The following SPMIP2 variants were observed in gnomAD, a reference collection of about 807,000 sequenced individuals.
SPMIP2 encodes protein SPMIP2.
At chr4:159,061,662 T>A in the SPMIP2 span, among the ~76,000 whole-genome samples, 1 of 151,852 alleles carries the variant, frequency 6.6e-6, no homozygotes, top group South Asian at 2.1e-4. Context: ...ACAAAAAAAA[T>A]TAGCTGGGGG....
At chr4:158,966,121 A>G in the SPMIP2 span, among the ~76,000 whole-genome samples, 6 of 152,316 alleles carry the variant, frequency 3.9e-5, no homozygotes, top group East Asian at 9.6e-4. Flanking sequence ...TTCTTGCCCA[A>G]ACACAGAGCT....
the SPMIP2 span, among the ~76,000 whole-genome samples, chr4:158,923,441 T>G: frequency 6.6e-6 from 1 of 152,204 alleles, no homozygotes; most frequent in Non-Finnish European, 1.5e-5. Flanking sequence ...AGTGTGCACA[T>G]TTTGTGCTTG....
At chr4:158,924,833 AT>A in the SPMIP2 span, among the ~76,000 whole-genome samples, 13 of 152,264 alleles carry the variant, frequency 8.5e-5, no homozygotes, top group African/African-American at 3.1e-4. Context: ...TTTATCCTTC[AT>A]TCTGTTGACA....
chr4:159,070,565 G>T, the SPMIP2 span, among the ~76,000 whole-genome samples: 2 of 152,290 alleles, frequency 1.3e-5, no homozygotes, highest in South Asian at 4.1e-4. Context: ...TACACATATG[G>T]TTTGGAAGAG....
the SPMIP2 span, among the ~76,000 whole-genome samples, chr4:159,053,177 C>T: frequency 6.6e-6 from 1 of 150,572 alleles, no homozygotes; most frequent in African/African-American, 2.4e-5. Flanking sequence ...GGGATGGTCT[C>T]GATCTCCTGA....
At chr4:159,000,792 G>A in the SPMIP2 span, among the ~76,000 whole-genome samples, 40 of 150,676 alleles carry the variant, frequency 2.7e-4, no homozygotes, top group African/African-American at 8.8e-4. Flanking sequence ...TGGCTTGTCT[G>A]GCTCCCTACA....
the SPMIP2 span, among the ~76,000 whole-genome samples, chr4:158,993,581 T>C: frequency 6.6e-6 from 1 of 152,212 alleles, no homozygotes; most frequent in Non-Finnish European, 1.5e-5. Flanking sequence ...TTTATTCATT[T>C]ATTCAACACG....
chr4:159,009,970 G>A, the SPMIP2 span, among the ~76,000 whole-genome samples: 2 of 152,080 alleles, frequency 1.3e-5, no homozygotes, highest in South Asian at 2.1e-4. Flanking sequence ...CTCCAGCCTG[G>A]ATGACAGAGG....
At chr4:158,976,599 C>T in the SPMIP2 span, among the ~76,000 whole-genome samples, 1 of 149,944 alleles carries the variant, frequency 6.7e-6, no homozygotes, top group Non-Finnish European at 1.5e-5. Flanking sequence ...TATTGATTTG[C>T]ATATGTTGAA....
At chr4:158,991,187 C>G in the SPMIP2 span, among the ~76,000 whole-genome samples, 1 of 151,532 alleles carries the variant, frequency 6.6e-6, no homozygotes, top group Non-Finnish European at 1.5e-5. Flanking sequence ...GGAAGAAGTT[C>G]AAAGCCCCAG....
the SPMIP2 span, among the ~76,000 whole-genome samples, chr4:159,041,266 G>T: frequency 6.6e-6 from 1 of 152,048 alleles, no homozygotes; most frequent in Non-Finnish European, 1.5e-5. Context: ...ACTTAATTGG[G>T]GATGATGCAA....
the SPMIP2 span, among the ~76,000 whole-genome samples, chr4:159,045,335 T>C: frequency 6.6e-6 from 1 of 152,252 alleles, no homozygotes; most frequent in Non-Finnish European, 1.5e-5. Context: ...ATAAAATGTA[T>C]AAAAGCTAAG....
the SPMIP2 span, among the ~76,000 whole-genome samples, chr4:159,014,769 C>G: frequency 4.6e-5 from 7 of 152,022 alleles, no homozygotes; most frequent in African/African-American, 1.7e-4. Flanking sequence ...GAAGAATTAT[C>G]TCAGGCCACA....
At chr4:158,922,186 C>G in the SPMIP2 span, among the ~76,000 whole-genome samples, 1 of 152,188 alleles carries the variant, frequency 6.6e-6, no homozygotes, top group Non-Finnish European at 1.5e-5. Context: ...CCGCGCCCAG[C>G]CTTACATATT....
the SPMIP2 span, among the ~76,000 whole-genome samples, chr4:158,902,916 C>A: frequency 6.6e-6 from 1 of 150,536 alleles, no homozygotes; most frequent in Admixed American, 6.6e-5. Flanking sequence ...TCTTAGCTTG[C>A]TGGCTCTGTG....
chr4:159,066,587 TTTTATATA>T, the SPMIP2 span, among the ~76,000 whole-genome samples: 24 of 65,342 alleles, frequency 3.7e-4, no homozygotes, highest in East Asian at 1.1e-3. Flanking sequence ...CGTGTGTGTA[TTTTATATA>T]TATATATATA....
At chr4:158,995,227 TTC>T in the SPMIP2 span, among the ~76,000 whole-genome samples, 1 of 152,192 alleles carries the variant, frequency 6.6e-6, no homozygotes, top group Non-Finnish European at 1.5e-5. Flanking sequence ...TTTGTTATTA[TTC>T]TTTTTGTTTT....
At chr4:158,989,923 A>G in the SPMIP2 span, among the ~76,000 whole-genome samples, 1 of 152,212 alleles carries the variant, frequency 6.6e-6, no homozygotes, top group Non-Finnish European at 1.5e-5. Context: ...AGCAAAAGAA[A>G]CTATTATCAG....
the SPMIP2 span, chr4:158,937,587 A>AACGT: frequency 6.5e-6 from 1 of 154,406 alleles, no homozygotes; most frequent in African/African-American, 2.4e-5. Flanking sequence ...CCAACTGTTT[A>AACGT]ATCAAGACAA....
Sources: allele counts gnomAD v4.1 joint callset (sites outside exome capture counted in the v4.1 genomes callset), GRCh38; gene constraint gnomAD v4.1.1; transcripts MANE v1.5; gene names NCBI Gene and HGNC (gene_info 2026-07-23, HGNC 2026-07-21).